Variants in FSTL5 observed in about 807,000 individuals in gnomAD.
FSTL5 encodes the protein follistatin like 5, also known as follistatin-related protein 5.
FSTL5 carries 62 observed loss-of-function variants against 89.1 expected under a neutral mutation model. The ratio of observed to expected loss-of-function variants is 0.70; its 90% CI spans 0.57 to 0.86. The LOEUF is 0.86. Among genes scored for constraint, FSTL5 ranks in the 40% least tolerant of loss-of-function variants. The pLI is 0.00. For synonymous variants in FSTL5, 383 were observed against 346.2 expected, an observed-to-expected ratio of 1.11 and a Z score of -1.18; for missense variants, 1,057 against 1,001.6, an observed-to-expected ratio of 1.06 and a Z score of -0.75.
intron 6 of FSTL5, among the ~76,000 whole-genome samples, chr4:161,747,350 A>G (rs1740235335): frequency 6.6e-6 from 1 of 151,934 alleles, no homozygotes. Context: ...CACCTTTCCA[A>G]CATACTTTGT....
chr4:161,584,759 A>C (rs1560965974), intron 8 of FSTL5, among the ~76,000 whole-genome samples: 1 of 152,126 alleles, frequency 6.6e-6, no homozygotes, highest in African/African-American at 2.4e-5. Context: ...TATACTCCTC[A>C]TCTTGTTTGC....
intron 6 of FSTL5, among the ~76,000 whole-genome samples, chr4:161,712,549 T>C (rs1372096939): frequency 9.9e-5 from 15 of 152,178 alleles, no homozygotes; most frequent in Non-Finnish European, 1.9e-4. Context: ...TAGTTGCCTA[T>C]ATTGATATTT....
intron 6 of FSTL5, among the ~76,000 whole-genome samples, chr4:161,686,662 CT>C (rs1480787163): frequency 1.3e-5 from 2 of 151,710 alleles, no homozygotes; most frequent in African/African-American, 4.8e-5. Flanking sequence ...GTTCTTTGTC[CT>C]TTTTTGATAA....
At chr4:161,405,000 G>A (rs1399368213) in intron 15 of FSTL5, among the ~76,000 whole-genome samples, 1 of 152,166 alleles carries the variant, frequency 6.6e-6, no homozygotes, top group Non-Finnish European at 1.5e-5. Flanking sequence ...GGAGGCCGAG[G>A]TGAGTAGATC....
intron 3 of FSTL5, among the ~76,000 whole-genome samples, chr4:161,947,725 C>T (rs904511177): frequency 3.9e-5 from 6 of 151,970 alleles, no homozygotes; most frequent in Admixed American, 6.6e-5. Context: ...TGAATTTCCA[C>T]GTTTTTTAGA....
intron 12 of FSTL5, among the ~76,000 whole-genome samples, chr4:161,485,955 T>C (rs1553990819): frequency 6.6e-6 from 1 of 151,828 alleles, no homozygotes; most frequent in Non-Finnish European, 1.5e-5. Context: ...CTAGCCAACA[T>C]GGTGAAACCC....
chr4:161,997,939 G>A (rs768559613), intron 3 of FSTL5, among the ~76,000 whole-genome samples: 11 of 152,110 alleles, frequency 7.2e-5, no homozygotes, highest in Non-Finnish European at 1.2e-4. Flanking sequence ...ATATATAGAG[G>A]TGTGTGAATG....
In FSTL5 at chr4:161,754,931, T is replaced by G. The variant is rs1024450792; in HGVS notation, c.727+4480A>C. ...ATATTTAGCACTTGGTATAGAATAA[T>G]AGCACTATTAACTCATTTTTAATTC... On this transcript the variant is annotated intron_variant, in intron 6 of 15. Transcript: ENST00000306100. Among the ~76,000 whole-genome samples the G allele has an allele frequency of 9.9e-5, 15 of 152,190 alleles. 1 individual carries two copies. Among genetic ancestry groups the G allele is most frequent in the Non-Finnish European group, 2.2e-4 (15 of 67,932 alleles).
intron 2 of FSTL5, among the ~76,000 whole-genome samples, chr4:162,055,331 G>C (rs1738504356): frequency 6.6e-6 from 1 of 151,322 alleles, no homozygotes; most frequent in South Asian, 2.1e-4. Flanking sequence ...TATATACAAA[G>C]TATATATTTA....
At chr4:161,872,140 G>T (rs146612950) in intron 4 of FSTL5, among the ~76,000 whole-genome samples, 78 of 67,496 alleles carry the variant, frequency 1.2e-3, no homozygotes, top group African/African-American at 2.3e-3. Flanking sequence ...TTTTTTTTTT[G>T]GTTTTTTTTT....
At chr4:161,867,332 A>C (rs1411385759) in intron 4 of FSTL5, among the ~76,000 whole-genome samples, 2 of 152,030 alleles carry the variant, frequency 1.3e-5, no homozygotes, top group African/African-American at 4.8e-5. Context: ...GATATATTTA[A>C]TTTATCAGTA....
chr4:161,949,587 T>A (rs144313108), intron 3 of FSTL5, among the ~76,000 whole-genome samples: 2 of 152,134 alleles, frequency 1.3e-5, no homozygotes, highest in African/African-American at 2.4e-5. Context: ...TCCTCCTTTT[T>A]GAACTTCAGT....
chr4:161,900,638 C>CAAAAAAA (rs58702301), intron 4 of FSTL5, among the ~76,000 whole-genome samples: 10 of 65,180 alleles, frequency 1.5e-4, no homozygotes, highest in Non-Finnish European at 2.2e-4. Flanking sequence ...GACTCCATCT[C>CAAAAAAA]AAAAAAAAAA....
At chr4:161,813,428 G>T (rs935109361) in intron 4 of FSTL5, among the ~76,000 whole-genome samples, 6 of 152,012 alleles carry the variant, frequency 3.9e-5, no homozygotes, top group African/African-American at 1.5e-4. Flanking sequence ...AAAAAATTTG[G>T]GGGGCGGGGA....
At chr4:161,649,344 T>C (rs1352761578) in intron 7 of FSTL5, among the ~76,000 whole-genome samples, 4 of 152,220 alleles carry the variant, frequency 2.6e-5, no homozygotes, top group African/African-American at 9.6e-5. Flanking sequence ...AAACCTGTTA[T>C]ATTTTTCTTC....
chr4:161,883,098 T>G (rs1178879511), intron 4 of FSTL5, among the ~76,000 whole-genome samples: 3 of 152,130 alleles, frequency 2.0e-5, no homozygotes, highest in African/African-American at 7.2e-5. Flanking sequence ...CATATAGTAT[T>G]CTGGGAAGTG....
At chr4:161,770,464 A>C (rs1422598687) in intron 5 of FSTL5, among the ~76,000 whole-genome samples, 1 of 151,902 alleles carries the variant, frequency 6.6e-6, no homozygotes, top group Non-Finnish European at 1.5e-5. Flanking sequence ...TGTAACCCTT[A>C]TGTATATATA....
At chr4:161,878,076 T>G (rs1002430539) in intron 4 of FSTL5, among the ~76,000 whole-genome samples, 2 of 152,006 alleles carry the variant, frequency 1.3e-5, no homozygotes, top group Admixed American at 1.3e-4. Context: ...AAAGTTTGAA[T>G]CCCACATAAA....
intron 4 of FSTL5, among the ~76,000 whole-genome samples, chr4:161,796,040 T>A (rs536560395): frequency 6.6e-6 from 1 of 152,014 alleles, no homozygotes; most frequent in South Asian, 2.1e-4. Context: ...CGAAAATCAA[T>A]TTTGTCTCAT....
Sources: allele counts gnomAD v4.1 joint callset (sites outside exome capture counted in the v4.1 genomes callset), GRCh38; gene constraint gnomAD v4.1.1; transcripts MANE v1.5; gene names NCBI Gene and HGNC (gene_info 2026-07-23, HGNC 2026-07-21).